The following TSPAN18 variants were observed in gnomAD, a reference collection of about 807,000 sequenced individuals.
The protein encoded by TSPAN18 is tetraspanin 18, also known as tetraspanin-18.
Under a neutral mutation model 27.3 loss-of-function variants are expected in TSPAN18, and 14 were observed. That is an observed-to-expected ratio of 0.51 (90% CI 0.34 to 0.80). TSPAN18 has a LOEUF of 0.80. TSPAN18 is among the 30% of genes least tolerant of loss of function. The pLI is 0.01. For missense variants in TSPAN18, 268 were observed against 323.9 expected (o/e 0.83, Z 1.32); for synonymous variants, 143 against 136.5 (o/e 1.05, Z -0.33).
chr11:44,908,524 A>G (rs1564991602), intron 4 of TSPAN18, among the ~76,000 whole-genome samples: 1 of 151,788 alleles, frequency 6.6e-6, no homozygotes, highest in Non-Finnish European at 1.5e-5. Context: ...ACTTGAGCCC[A>G]GGAGTTTGAG....
At chr11:44,801,492 G>A (rs946913025) in intron 2 of TSPAN18, among the ~76,000 whole-genome samples, 2 of 152,110 alleles carry the variant, frequency 1.3e-5, no homozygotes, top group Non-Finnish European at 2.9e-5. Flanking sequence ...ACATACCTGT[G>A]GAAGGAAATA....
At position 44,805,244 on chromosome 11, in the gene TSPAN18, C is replaced by T. The variant is rs12283004; in HGVS notation, c.-153+40732C>T. On this transcript the variant is annotated intron_variant, in intron 2 of 9. Transcript: ENST00000520358. ...AAAGAAAGGCAGCTCTAAATGGGAG[C>T]GGCAGATGCGTGCATCTGTGTGCAT... Among the ~76,000 whole-genome samples the T allele has an allele frequency of 6.1e-3, 922 of 152,252 alleles. 11 individuals are homozygous for T. Among genetic ancestry groups the T allele is most frequent in the African/African-American group, 0.021 (881 of 41,524 alleles).
At chr11:44,742,321 C>T (rs1328618099) in intron 1 of TSPAN18, among the ~76,000 whole-genome samples, 19 of 108,738 alleles carry the variant, frequency 1.7e-4, no homozygotes, top group Admixed American at 2.4e-4. Flanking sequence ...TTTTTCCTTT[C>T]TTCCTTTCTT....
At chr11:44,815,509 G>A (rs762867523) in intron 2 of TSPAN18, among the ~76,000 whole-genome samples, 1 of 152,176 alleles carries the variant, frequency 6.6e-6, no homozygotes, top group Non-Finnish European at 1.5e-5. Context: ...TCCCTGGAGT[G>A]TGTGGTGTGT....
chr11:44,803,322 T>C lies in TSPAN18; in HGVS notation c.-153+38810T>C, dbSNP rs559288280. Among the ~76,000 whole-genome samples, 11 of 150,570 alleles carry C rather than the reference T, an allele frequency of 7.3e-5. 1 individual carries two copies. Among genetic ancestry groups the C allele is most frequent in the African/African-American group, 2.7e-4 (11 of 40,874 alleles). The stretch of plus-strand genomic sequence containing the variant: ...GGGACAGCATTTGCCAGTGCTTAGA[T>C]GTGGGAAAGCATGGGTTGGGGGGGC... On this transcript the variant is annotated intron_variant, in intron 2 of 9. Transcript: ENST00000520358.
chr11:44,929,021 A>G, intron 9 of TSPAN18, 110 bp from the exon 10 acceptor site: 2 of 1,336,612 alleles, frequency 1.5e-6, no homozygotes, highest in Non-Finnish European at 2.1e-6. Flanking sequence ...TTAGGGGAGG[A>G]GTGTGCTAAG....
rs537512027 is a variant in TSPAN18 at position 44,872,400 on chromosome 11, C to T, written c.-11+11931C>T. ...TATGGAAGCATAATTCAGTCCATAG[C>T]ATGCACCAACCTCATAGGGTTGCCA... On this transcript the variant is annotated intron_variant, in intron 3 of 9. Transcript: ENST00000520358. Among the ~76,000 whole-genome samples the T allele has an allele frequency of 6.6e-5, 10 of 152,334 alleles. No homozygotes were observed. In the South Asian group the frequency reaches 2.1e-3, roughly 32 times the overall value.
chr11:44,731,282 A>T (rs960825225), intron 1 of TSPAN18, among the ~76,000 whole-genome samples: 8 of 152,290 alleles, frequency 5.3e-5, no homozygotes, highest in Non-Finnish European at 1.0e-4. Flanking sequence ...TAGAGGCAGC[A>T]GTGCGTGGTG....
At chr11:44,818,333 G>T (rs1455902173) in intron 2 of TSPAN18, among the ~76,000 whole-genome samples, 1 of 152,230 alleles carries the variant, frequency 6.6e-6, no homozygotes, top group Non-Finnish European at 1.5e-5. Context: ...CCCTCCCAGG[G>T]CCCTGACCCT....
At chr11:44,778,804 A>G (rs1855872125) in intron 2 of TSPAN18, among the ~76,000 whole-genome samples, 1 of 152,142 alleles carries the variant, frequency 6.6e-6, no homozygotes, top group Non-Finnish European at 1.5e-5. Flanking sequence ...TGTGGTTCTT[A>G]GAACCTCAGG....
At chr11:44,880,505 C>A (rs1858460429) in intron 3 of TSPAN18, among the ~76,000 whole-genome samples, 1 of 152,210 alleles carries the variant, frequency 6.6e-6, no homozygotes, top group African/African-American at 2.4e-5. Context: ...TCTCCTGGCA[C>A]ATGGGGCATA....
chr11:44,744,091 T>TC lies in TSPAN18; in HGVS notation c.-240+16805dup, dbSNP rs1476848758. On this transcript the variant is annotated intron_variant, in intron 1 of 9. Transcript: ENST00000520358. Reference sequence around the variant, plus strand: ...TGCAGCAAAATGCACTGTGAGTTTTTCTGCAAATGTTAATAAAGACAGAAA... The same window carrying TC: ...TGCAGCAAAATGCACTGTGAGTTTTTCCTGCAAATGTTAATAAAGACAGAAA... Among the ~76,000 whole-genome samples the TC allele has an allele frequency of 3.3e-5, 5 of 152,332 alleles. No individual in the cohort carries two copies. The East Asian group carries it at 7.7e-4, about 24-fold the overall frequency.
intron 2 of TSPAN18, among the ~76,000 whole-genome samples, chr11:44,829,308 A>AC (rs1388536691): frequency 6.6e-6 from 1 of 152,010 alleles, no homozygotes; most frequent in Non-Finnish European, 1.5e-5. Flanking sequence ...AGTTTCACTA[A>AC]CCCCCAAATC....
intron 2 of TSPAN18, among the ~76,000 whole-genome samples, chr11:44,846,852 T>A (rs1039002766): frequency 2.0e-5 from 3 of 151,744 alleles, no homozygotes; most frequent in African/African-American, 7.2e-5. Flanking sequence ...GAGTGGCAGG[T>A]CCCCGCTCTT....
chr11:44,806,074 C>T (rs1392571114), intron 2 of TSPAN18, among the ~76,000 whole-genome samples: 3 of 149,786 alleles, frequency 2.0e-5, no homozygotes, highest in African/African-American at 7.4e-5. Context: ...TCGCTCTATC[C>T]CCCAGGCTGG....
intron 2 of TSPAN18, among the ~76,000 whole-genome samples, chr11:44,767,352 A>G (rs1260571689): frequency 6.6e-6 from 1 of 151,478 alleles, no homozygotes; most frequent in Non-Finnish European, 1.5e-5. Context: ...TCCAGGCTTC[A>G]TGTCTAAAAA....
At chr11:44,866,459 C>T (rs1858038973) in intron 3 of TSPAN18, among the ~76,000 whole-genome samples, 1 of 152,212 alleles carries the variant, frequency 6.6e-6, no homozygotes, top group South Asian at 2.1e-4. Flanking sequence ...GGCTTCTTTG[C>T]CAATCTCAGG....
At position 44,797,414 on chromosome 11, in the gene TSPAN18, G is replaced by T. The variant is rs78015942; in HGVS notation, c.-153+32902G>T. Among the ~76,000 whole-genome samples the T allele has an allele frequency of 7.3e-3, 1,106 of 152,258 alleles. 11 individuals carry two copies. The highest frequency in any genetic ancestry group is 0.025 in the African/African-American group (1,055 of 41,542). On this transcript the variant is annotated intron_variant, in intron 2 of 9. Coordinates refer to ENST00000520358, the MANE Select transcript of TSPAN18 (RefSeq NM_130783.5). Reference sequence around the variant, plus strand: ...GGAATGAGAGGGGAAAGGCTTTGGTGGGGGCCACGGTACCCATCATTATTA... The same window carrying T: ...GGAATGAGAGGGGAAAGGCTTTGGTTGGGGCCACGGTACCCATCATTATTA...
intron 3 of TSPAN18, among the ~76,000 whole-genome samples, chr11:44,879,417 G>C (rs1387467980): frequency 6.6e-6 from 1 of 152,162 alleles, no homozygotes; most frequent in Non-Finnish European, 1.5e-5. Context: ...TGGAGATCCT[G>C]TCCACAAAGA....
Sources: gnomAD v4.1 joint callset for allele counts (sites outside exome capture counted in the v4.1 genomes callset) on GRCh38, gnomAD v4.1.1 for gene constraint, MANE v1.5 for transcripts, NCBI Gene and HGNC (gene_info 2026-07-23, HGNC 2026-07-21) for gene names.